Variants in KCNAB1 observed in about 807,000 individuals in gnomAD.
KCNAB1 encodes the protein potassium voltage-gated channel subfamily A regulatory beta subunit 1.
A neutral mutation model predicts 64.6 loss-of-function variants in KCNAB1; 35 were observed. The ratio of observed to expected loss-of-function variants is 0.54; its 90% confidence interval spans 0.41 to 0.72. The LOEUF is 0.72. KCNAB1 is among the 30% of genes least tolerant of loss of function. KCNAB1 has a pLI of 0.00. For missense variants in KCNAB1, 401 were observed against 512.9 expected (o/e 0.78, Z 2.11); for synonymous variants, 177 against 183.8 (o/e 0.96, Z 0.30).
At chr3:156,284,710 G>T (rs893011113) in intron 1 of KCNAB1, among the ~76,000 whole-genome samples, 7 of 152,210 alleles carry the variant, frequency 4.6e-5, no homozygotes, top group South Asian at 2.1e-4. Flanking sequence ...GCAGTATTCG[G>T]GTGGGAGTGA....
chr3:156,182,942 C>T (rs956254485), intron 1 of KCNAB1, among the ~76,000 whole-genome samples: 1 of 152,124 alleles, frequency 6.6e-6, no homozygotes, highest in Non-Finnish European at 1.5e-5. Flanking sequence ...TCATGATTCG[C>T]CTGCCTCAGC....
chr3:156,301,808 T>C (rs1721173258), intron 1 of KCNAB1, among the ~76,000 whole-genome samples: 1 of 152,214 alleles, frequency 6.6e-6, no homozygotes, highest in Non-Finnish European at 1.5e-5. Context: ...AGATATTTTT[T>C]CCTGAGGGCT....
intron 1 of KCNAB1, among the ~76,000 whole-genome samples, chr3:156,158,179 AAAAT>A (rs58622682): frequency 0.13 from 7,830 of 60,544 alleles, 591 homozygotes; most frequent in South Asian, 0.37. Flanking sequence ...AAAAAAATAA[AAAAT>A]AAATAAATAA....
chr3:156,224,342 C>T (rs1336890455), intron 1 of KCNAB1, among the ~76,000 whole-genome samples: 1 of 152,260 alleles, frequency 6.6e-6, no homozygotes, highest in Non-Finnish European at 1.5e-5. Flanking sequence ...GGAGCCGGCT[C>T]CGGCCTTGGC....
intron 1 of KCNAB1, among the ~76,000 whole-genome samples, chr3:156,350,737 G>C (rs1724803013): frequency 6.6e-6 from 1 of 152,254 alleles, no homozygotes; most frequent in South Asian, 2.1e-4. Flanking sequence ...CCATGAAAAT[G>C]TGTTTTGATT....
intron 8 of KCNAB1, among the ~76,000 whole-genome samples, chr3:156,511,191 C>T (rs1348452862): frequency 1.3e-5 from 2 of 152,096 alleles, no homozygotes; most frequent in Non-Finnish European, 2.9e-5. Context: ...GCGAGCTCCA[C>T]CTCCCAGGTT....
In KCNAB1 at chr3:156,249,033, T is replaced by G. The variant is rs538164784; in HGVS notation, c.275+128147T>G. 7.2e-4 allele frequency among the ~76,000 whole-genome samples: 110 copies of G among 152,134 alleles called. 1 individual carries two copies. In the South Asian group the frequency reaches 0.022, roughly 31 times the overall value. On this transcript the variant is annotated intron_variant, in intron 1 of 13. Coordinates refer to ENST00000490337, the MANE Select transcript of KCNAB1 (RefSeq NM_172160.3). The stretch of plus-strand genomic sequence containing the variant: ...TTCGATAGAAATCTGGTTGTGTTTT[T>G]TTTTTTAATTTTTTAATTTTTTTAT...
intron 1 of KCNAB1, among the ~76,000 whole-genome samples, chr3:156,235,183 C>T (rs962947231): frequency 5.3e-5 from 8 of 152,202 alleles, no homozygotes; most frequent in African/African-American, 1.9e-4. Context: ...TCTCTACTCT[C>T]GTTCAAGCTT....
chr3:156,147,767 C>G (rs1349238017), intron 1 of KCNAB1, among the ~76,000 whole-genome samples: 2 of 152,138 alleles, frequency 1.3e-5, no homozygotes, highest in Admixed American at 1.3e-4. Flanking sequence ...TCTGGTCTTA[C>G]AGCTGAAGAA....
At chr3:156,217,492 C>T (rs576921807) in intron 1 of KCNAB1, among the ~76,000 whole-genome samples, 2 of 152,198 alleles carry the variant, frequency 1.3e-5, no homozygotes, top group Non-Finnish European at 2.9e-5. Flanking sequence ...TCCTGATGAG[C>T]TCATTCACTC....
At chr3:156,267,754 T>A (rs988135237) in intron 1 of KCNAB1, among the ~76,000 whole-genome samples, 4 of 152,266 alleles carry the variant, frequency 2.6e-5, no homozygotes, top group Non-Finnish European at 4.4e-5. Context: ...TTTAATTTTT[T>A]TAAAAAAATT....
chr3:156,199,237 G>C (rs1003692775), intron 1 of KCNAB1, among the ~76,000 whole-genome samples: 5 of 151,992 alleles, frequency 3.3e-5, no homozygotes, highest in African/African-American at 1.2e-4. Context: ...CTTTCTGTCT[G>C]GCTGCTCTTA....
intron 2 of KCNAB1, among the ~76,000 whole-genome samples, chr3:156,423,830 C>A (rs896192631): frequency 1.3e-4 from 19 of 151,824 alleles, no homozygotes; most frequent in African/African-American, 4.4e-4. Context: ...GGAAAATGAG[C>A]CAGGAGCTAA....
intron 1 of KCNAB1, among the ~76,000 whole-genome samples, chr3:156,311,314 G>T (rs1721884175): frequency 6.6e-6 from 1 of 152,320 alleles, no homozygotes; most frequent in African/African-American, 2.4e-5. Flanking sequence ...AAAGTTGTGA[G>T]CAGGAAAATA....
intron 8 of KCNAB1, among the ~76,000 whole-genome samples, chr3:156,512,615 A>G (rs751841773): frequency 1.4e-4 from 22 of 152,222 alleles, no homozygotes; most frequent in Non-Finnish European, 2.8e-4. Flanking sequence ...GACAGAATCT[A>G]TCTGGGGCAG....
chr3:156,449,037 G>A (rs957135781), intron 2 of KCNAB1, among the ~76,000 whole-genome samples: 1 of 148,780 alleles, frequency 6.7e-6, no homozygotes, highest in East Asian at 1.9e-4. Context: ...CGAAGGGCCA[G>A]GGAGGTAGTC....
chr3:156,515,034 T>C, intron 9 of KCNAB1, 66 bp from the exon 10 acceptor site: 5 of 1,465,216 alleles, frequency 3.4e-6, no homozygotes, highest in Non-Finnish European at 3.7e-6. Context: ...TTCTCATGCA[T>C]ACAAATTACA....
intron 1 of KCNAB1, among the ~76,000 whole-genome samples, chr3:156,307,718 C>T (rs556370451): frequency 5.9e-5 from 9 of 152,290 alleles, no homozygotes; most frequent in South Asian, 2.1e-4. Context: ...ACTCCAACCA[C>T]GATGGAGCAG....
At chr3:156,415,878 C>T (rs1473013317) in intron 1 of KCNAB1, among the ~76,000 whole-genome samples, 1 of 152,160 alleles carries the variant, frequency 6.6e-6, no homozygotes, top group Non-Finnish European at 1.5e-5. Context: ...GGCAATTAAC[C>T]TTGGATGTCT....
Sources: gnomAD v4.1 joint callset for allele counts (sites outside exome capture counted in the v4.1 genomes callset) on GRCh38, gnomAD v4.1.1 for gene constraint, MANE v1.5 for transcripts, NCBI Gene and HGNC (gene_info 2026-07-23, HGNC 2026-07-21) for gene names.